ERC2: variants seen among roughly 807,000 people sequenced by gnomAD.
The protein encoded by ERC2 is ELKS/RAB6-interacting/CAST family member 2.
In ERC2, 42 loss-of-function variants were observed where a neutral mutation model predicts 114.8. The ratio of observed to expected loss-of-function variants is 0.37; its 90% CI spans 0.29 to 0.47. The LOEUF is 0.47. ERC2 is among the 20% of genes least tolerant of loss of function. The pLI, the probability that ERC2 is intolerant of heterozygous loss-of-function variation, is 0.99. For synonymous variants in ERC2, 454 were observed against 425.5 expected (o/e 1.07, Z -0.82); for missense variants, 939 against 1,150.7 (o/e 0.82, Z 2.66).
chr3:55,755,094 T>A (rs2148979114), intron 14 of ERC2, among the ~76,000 whole-genome samples: 1 of 152,272 alleles, frequency 6.6e-6, no homozygotes, highest in South Asian at 2.1e-4. Context: ...TTTTTTTTTT[T>A]TCATCTTAGC....
chr3:56,130,143 T>C (rs1560222235), intron 6 of ERC2, among the ~76,000 whole-genome samples: 1 of 152,160 alleles, frequency 6.6e-6, no homozygotes. Context: ...CAATGGAAAA[T>C]AAGGTGTTTG....
At chr3:55,683,744 C>A in intron 17 of ERC2, 50 bp downstream of exon 17, 1 of 1,458,978 alleles carries the variant, frequency 6.9e-7, no homozygotes, top group South Asian at 1.2e-5. Flanking sequence ...CACAATACAA[C>A]ACTAGAATGC....
At chr3:55,527,385 T>A (rs1359017594) in intron 17 of ERC2, among the ~76,000 whole-genome samples, 1 of 152,132 alleles carries the variant, frequency 6.6e-6, no homozygotes, top group Non-Finnish European at 1.5e-5. Flanking sequence ...TATTGTGGAG[T>A]TGTATGCCAG....
chr3:55,745,164 C>A (rs978058686), intron 14 of ERC2, among the ~76,000 whole-genome samples: 1 of 152,184 alleles, frequency 6.6e-6, no homozygotes, highest in Non-Finnish European at 1.5e-5. Context: ...AAGAAGAAAA[C>A]AGACTTTGGA....
chr3:56,035,540 A>T (rs191790918), intron 7 of ERC2, among the ~76,000 whole-genome samples: 99 of 152,308 alleles, frequency 6.5e-4, no homozygotes, highest in Non-Finnish European at 1.3e-3. Flanking sequence ...ATTTTGAGAG[A>T]TGTTTAAGTC....
intron 2 of ERC2, among the ~76,000 whole-genome samples, chr3:56,382,355 C>G (rs760163222): frequency 2.0e-5 from 3 of 152,056 alleles, no homozygotes; most frequent in Non-Finnish European, 4.4e-5. Flanking sequence ...TTCTCTTGAC[C>G]TCTACTTCTT....
chr3:56,313,763 A>G (rs2150403148), intron 2 of ERC2, among the ~76,000 whole-genome samples: 1 of 152,362 alleles, frequency 6.6e-6, no homozygotes, highest in Non-Finnish European at 1.5e-5. Flanking sequence ...AAGCATCAAT[A>G]GGCTGTGGCA....
Position 56,132,815 on chromosome 3 carries a change from G to A in ERC2, c.1473+6694C>T, listed in dbSNP as rs888673839. Among the ~76,000 whole-genome samples the A allele has an allele frequency of 3.9e-5, 6 of 152,134 alleles. No individual in the cohort carries two copies. In the East Asian group the frequency reaches 9.7e-4, roughly 25 times the overall value. ...TATATGAATATATGTGTATGTATGT[G>A]TATGTTTGTATATATATAAACGTCT... On this transcript the variant is annotated intron_variant, in intron 6 of 17. Transcript: ENST00000288221.
chr3:55,856,756 G>A (rs1003172120), intron 14 of ERC2, among the ~76,000 whole-genome samples: 20 of 152,036 alleles, frequency 1.3e-4, no homozygotes, highest in Admixed American at 4.6e-4. Flanking sequence ...GCTAAAGAGC[G>A]GAAAAAATCC....
At chr3:55,978,474 A>G (rs2069777090) in intron 12 of ERC2, among the ~76,000 whole-genome samples, 1 of 152,178 alleles carries the variant, frequency 6.6e-6, no homozygotes, top group Non-Finnish European at 1.5e-5. Flanking sequence ...CTGGCAACTC[A>G]GGTTTTTACA....
intron 15 of ERC2, among the ~76,000 whole-genome samples, chr3:55,706,948 C>G (rs538365925): frequency 6.6e-6 from 1 of 152,216 alleles, no homozygotes; most frequent in African/African-American, 2.4e-5. Flanking sequence ...GAGACTCAGA[C>G]TGAATCAGGA....
chr3:56,157,590 T>G (rs1295090825), intron 4 of ERC2, among the ~76,000 whole-genome samples: 1 of 152,196 alleles, frequency 6.6e-6, no homozygotes, highest in Non-Finnish European at 1.5e-5. Flanking sequence ...AGGAAAAGAT[T>G]GAGTGAGGAA....
intron 2 of ERC2, among the ~76,000 whole-genome samples, chr3:56,368,530 A>C (rs1432524921): frequency 6.6e-6 from 1 of 152,244 alleles, no homozygotes; most frequent in Non-Finnish European, 1.5e-5. Context: ...ATCTAACAGC[A>C]GCTCTTTCAT....
chr3:55,540,587 G>A (rs772471270), intron 17 of ERC2, among the ~76,000 whole-genome samples: 1 of 152,150 alleles, frequency 6.6e-6, no homozygotes. Context: ...CTTCTTGTCC[G>A]GGATCTTAGT....
intron 17 of ERC2, among the ~76,000 whole-genome samples, chr3:55,661,052 G>A (rs1481581675): frequency 1.3e-5 from 2 of 152,056 alleles, no homozygotes; most frequent in African/African-American, 4.8e-5. Flanking sequence ...TTGTCCTGTG[G>A]GCCAAGTCTC....
At chr3:55,621,002 A>C (rs1164655612) in intron 17 of ERC2, among the ~76,000 whole-genome samples, 1 of 152,162 alleles carries the variant, frequency 6.6e-6, no homozygotes. Context: ...ATGACCCTTC[A>C]CAGTGATTTT....
At chr3:55,514,015 A>G (rs1458976579) in intron 17 of ERC2, among the ~76,000 whole-genome samples, 1 of 152,226 alleles carries the variant, frequency 6.6e-6, no homozygotes, top group African/African-American at 2.4e-5. Context: ...AATCCCTGGC[A>G]CAGGGAGTGA....
chr3:55,777,076 TAA>T (rs113261536), intron 14 of ERC2, among the ~76,000 whole-genome samples: 2 of 149,430 alleles, frequency 1.3e-5, no homozygotes, highest in African/African-American at 4.9e-5. Context: ...TAAAAATACA[TAA>T]AAAAAAAATA....
intron 4 of ERC2, among the ~76,000 whole-genome samples, chr3:56,154,982 C>T (rs1016545491): frequency 4.6e-5 from 7 of 152,174 alleles, no homozygotes; most frequent in African/African-American, 1.4e-4. Context: ...CCTAACCTTG[C>T]TAATCCTATA....
Sources: gnomAD v4.1 joint callset for allele counts (sites outside exome capture counted in the v4.1 genomes callset) on GRCh38, gnomAD v4.1.1 for gene constraint, MANE v1.5 for transcripts, NCBI Gene and HGNC (gene_info 2026-07-23, HGNC 2026-07-21) for gene names.